EXOC6B: variants seen among roughly 807,000 people sequenced by gnomAD.
EXOC6B encodes exocyst complex component 6B, also known as SEC15 homolog B.
Under a neutral mutation model 113.5 loss-of-function variants are expected in EXOC6B, and 54 were observed. That is an observed-to-expected ratio of 0.48 (90% CI 0.38 to 0.60). EXOC6B has a LOEUF of 0.60. Ranked by LOEUF, EXOC6B falls within the 20% of genes least tolerant of loss-of-function variation. EXOC6B has a pLI of 0.00. For synonymous variants in EXOC6B, 357 were observed against 339.0 expected, an observed-to-expected ratio of 1.05 and a Z score of -0.58; for missense variants, 797 against 977.5, an observed-to-expected ratio of 0.82 and a Z score of 2.46.
At chr2:72,367,050 A>T (rs1412475669) in intron 19 of EXOC6B, among the ~76,000 whole-genome samples, 1 of 152,134 alleles carries the variant, frequency 6.6e-6, no homozygotes, top group Non-Finnish European at 1.5e-5. Flanking sequence ...TAGACATTTT[A>T]TAAAATAAAT....
intron 17 of EXOC6B, among the ~76,000 whole-genome samples, chr2:72,469,533 CT>C (rs1210945092): frequency 1.5e-4 from 23 of 151,844 alleles, no homozygotes; most frequent in Non-Finnish European, 2.5e-4. Context: ...TCTCTTGAGA[CT>C]TTTTTTGACC....
chr2:72,294,052 A>T (rs1038209005), intron 20 of EXOC6B, among the ~76,000 whole-genome samples: 1 of 151,970 alleles, frequency 6.6e-6, no homozygotes, highest in Admixed American at 6.6e-5. Context: ...AAAAGTAGTC[A>T]TGATAAGGGA....
intron 1 of EXOC6B, among the ~76,000 whole-genome samples, chr2:72,750,136 A>G (rs2104849760): frequency 6.6e-6 from 1 of 151,866 alleles, no homozygotes; most frequent in Middle Eastern, 3.4e-3. Context: ...CACCACATTC[A>G]ACTCCTGGTC....
At chr2:72,266,203 T>G (rs1388140339) in intron 20 of EXOC6B, among the ~76,000 whole-genome samples, 1 of 151,422 alleles carries the variant, frequency 6.6e-6, no homozygotes, top group African/African-American at 2.4e-5. Context: ...ATTTTGTAGG[T>G]TGCCTGTTCA....
At chr2:72,761,399 C>G (rs967034600) in intron 1 of EXOC6B, among the ~76,000 whole-genome samples, 1 of 152,166 alleles carries the variant, frequency 6.6e-6, no homozygotes, top group Admixed American at 6.5e-5. Context: ...CAATAAATTA[C>G]TTCTCCAAAG....
At chr2:72,727,804 G>A (rs187256222) in intron 5 of EXOC6B, among the ~76,000 whole-genome samples, 57 of 152,008 alleles carry the variant, frequency 3.7e-4, no homozygotes, top group Admixed American at 1.4e-3. Context: ...AAACTTCTAC[G>A]CAACAAAAAC....
chr2:72,575,348 T>C (rs188311289), intron 7 of EXOC6B, 144 bp downstream of exon 7: 66 of 665,042 alleles, frequency 9.9e-5, no homozygotes, highest in Non-Finnish European at 1.4e-4. Flanking sequence ...TTTCCTTAAA[T>C]TGAGCCTTAT....
intron 20 of EXOC6B, among the ~76,000 whole-genome samples, chr2:72,245,998 T>C (rs191664876): frequency 3.9e-5 from 6 of 152,324 alleles, no homozygotes; most frequent in Admixed American, 3.3e-4. Flanking sequence ...AATGTGATTC[T>C]TTTAGTTCCT....
At chr2:72,447,272 C>A (rs990244775) in intron 18 of EXOC6B, among the ~76,000 whole-genome samples, 4 of 152,098 alleles carry the variant, frequency 2.6e-5, no homozygotes, top group Non-Finnish European at 5.9e-5. Context: ...GAGGGAAGGA[C>A]CATCTTTATT....
intron 18 of EXOC6B, among the ~76,000 whole-genome samples, chr2:72,415,036 T>C (rs1248961973): frequency 6.6e-6 from 1 of 152,178 alleles, no homozygotes; most frequent in South Asian, 2.1e-4. Context: ...CTGTCAGTTA[T>C]TGGGTAGAAA....
intron 18 of EXOC6B, chr2:72,462,756 A>T (rs752542116): frequency 2.0e-5 from 3 of 152,134 alleles, no homozygotes; most frequent in Non-Finnish European, 4.4e-5. Context: ...GGGAGCAGGA[A>T]TGGACTAAGA....
Position 72,615,620 on chromosome 2 carries a change from G to A in EXOC6B, c.670-39952C>T, listed in dbSNP as rs529343200. ...AAAAAAAAAAACCACTGTGTGGCCAGGCACATAAAAGTAAAGCACAAACAA... is the reference window on the plus strand; with the variant it reads ...AAAAAAAAAAACCACTGTGTGGCCAAGCACATAAAAGTAAAGCACAAACAA... On this transcript the variant is annotated intron_variant, in intron 6 of 21. Transcript: ENST00000272427. Among the ~76,000 whole-genome samples, 5 of 149,376 alleles carry A rather than the reference G, an allele frequency of 3.3e-5. No individual in the cohort carries two copies. In the South Asian group the frequency reaches 1.1e-3, roughly 32 times the overall value.
chr2:72,326,642 CATT>C (rs1049461398), intron 20 of EXOC6B, among the ~76,000 whole-genome samples: 2 of 151,978 alleles, frequency 1.3e-5, no homozygotes, highest in African/African-American at 4.8e-5. Context: ...AAGTTACAGT[CATT>C]GTTCTACTGA....
chr2:72,253,086 C>T (rs1206841804), intron 20 of EXOC6B, among the ~76,000 whole-genome samples: 2 of 152,092 alleles, frequency 1.3e-5, no homozygotes, highest in Non-Finnish European at 2.9e-5. Context: ...GGCCAAAAAG[C>T]ATACGAAAAA....
intron 8 of EXOC6B, among the ~76,000 whole-genome samples, chr2:72,550,613 T>A (rs1259662763): frequency 6.6e-6 from 1 of 152,226 alleles, no homozygotes; most frequent in Non-Finnish European, 1.5e-5. Flanking sequence ...CAGTAGGGAA[T>A]ATTACTGTGT....
intron 8 of EXOC6B, among the ~76,000 whole-genome samples, chr2:72,544,578 T>C (rs759651064): frequency 9.2e-5 from 14 of 152,118 alleles, no homozygotes; most frequent in Non-Finnish European, 1.6e-4. Context: ...GTAGATCTTC[T>C]CAGAATATAC....
chr2:72,247,468 T>C (rs1398107183), intron 20 of EXOC6B, among the ~76,000 whole-genome samples: 3 of 152,226 alleles, frequency 2.0e-5, no homozygotes, highest in Non-Finnish European at 2.9e-5. Flanking sequence ...GATGTAGTTG[T>C]TTGCTTAGTG....
At chr2:72,671,800 AAAGAAAGAAAGAAAGAAAG>A (rs1177242123) in intron 6 of EXOC6B, among the ~76,000 whole-genome samples, 4 of 135,746 alleles carry the variant, frequency 2.9e-5, no homozygotes, top group African/African-American at 1.1e-4. Flanking sequence ...AGAAAGAAAG[AAAGAAAGAAAGAAAGAAAG>A]AAGAGAAAAG....
intron 1 of EXOC6B, among the ~76,000 whole-genome samples, chr2:72,803,912 A>C (rs527875403): frequency 6.6e-6 from 1 of 152,324 alleles, no homozygotes; most frequent in Non-Finnish European, 1.5e-5. Context: ...GTACAAAGAA[A>C]CCATACTTAA....
Sources: gnomAD v4.1 joint callset for allele counts (sites outside exome capture counted in the v4.1 genomes callset) on GRCh38, gnomAD v4.1.1 for gene constraint, MANE v1.5 for transcripts, NCBI Gene and HGNC (gene_info 2026-07-23, HGNC 2026-07-21) for gene names.